Variants in WNT2B observed in about 807,000 individuals in gnomAD.
WNT2B encodes protein Wnt-2b.
A neutral mutation model predicts 40.5 loss-of-function variants in WNT2B; 19 were observed. That is an observed-to-expected ratio of 0.47 (90% CI 0.33 to 0.69). The LOEUF is 0.69. WNT2B is among the 30% of genes least tolerant of loss of function. WNT2B has a pLI of 0.02. For missense variants in WNT2B, 467 were observed against 556.4 expected, an observed-to-expected ratio of 0.84 and a Z score of 1.62; for synonymous variants, 220 against 211.9, an observed-to-expected ratio of 1.04 and a Z score of -0.33.
At chr1:112,508,808 C>T, upstream of WNT2B, 2 of 989,572 alleles carry the variant, frequency 2.0e-6, no homozygotes, top group South Asian at 4.7e-5. The surrounding 1 kb of genome is among the most constrained non-coding windows in gnomAD (Gnocchi z 4.2). Context: ...CGGTGGCGCG[C>T]GGGAGCCCCG....
Position 112,516,338 on chromosome 1 carries a change from C to G in WNT2B, c.602C>G (p.Ala201Gly). ...NIHYGVRFAK[A>G]FVDAKEKRLK... ...CACTACGGTGTCCGTTTTGCCAAGG[C>G]CTTCGTGGATGCCAAGGAGAAGAGG... Residue 201 changes from alanine to glycine, a missense_variant, in exon 3 of 5, where the codon GCC (alanine) becomes GGC (glycine). Ala to Gly is a moderately conservative substitution (Grantham distance 60). Transcript: ENST00000369684. The G allele has an allele frequency of 6.2e-7, 1 of 1,613,962 alleles. No homozygotes were observed. Among genetic ancestry groups the G allele is most frequent in the Non-Finnish European group, 8.5e-7 (1 of 1,179,998 alleles).
chr1:112,496,814 G>A (rs1433062672), intron 1 of WNT2B, among the ~76,000 whole-genome samples: 1 of 152,000 alleles, frequency 6.6e-6, no homozygotes, highest in Non-Finnish European at 1.5e-5. Flanking sequence ...TGGTCAGGCT[G>A]GTCTCGAACT....
rs528201560 is a variant in WNT2B, at chr1:112,517,276, A to T, written c.837A>T (p.Gln279His). The change falls in exon 4 of 5, where the codon CAA (glutamine) becomes CAT (histidine). Residue 279 changes from glutamine to histidine, a missense_variant. By Grantham distance (24) the Gln-to-His change is conservative. Coordinates refer to ENST00000369684, the MANE Select transcript of WNT2B (RefSeq NM_024494.3). Reference protein sequence around the residue: ...YDGAVQVMATQDGANFTAARQ... With the variant: ...YDGAVQVMATHDGANFTAARQ... ...GGGCTGTGCAGGTGATGGCCACCCA[A>T]GATGGTGCCAACTTCACCGCAGCCC... 1 of 1,614,214 alleles carries T rather than the reference A, an allele frequency of 6.2e-7. No homozygotes were observed. Among genetic ancestry groups the T allele is most frequent in the South Asian group, 1.1e-5 (1 of 91,088 alleles).
chr1:112,513,889 G>C (rs1237141201), intron 1 of WNT2B, among the ~76,000 whole-genome samples: 2 of 152,216 alleles, frequency 1.3e-5, no homozygotes, highest in African/African-American at 4.8e-5. Flanking sequence ...GGGTGAATGG[G>C]TCAGATCTCA....
At chr1:112,481,222 T>C (rs1045753082) in intron 1 of WNT2B, among the ~76,000 whole-genome samples, 18 of 152,194 alleles carry the variant, frequency 1.2e-4, no homozygotes, top group Admixed American at 1.0e-3. Context: ...CTTATTTATT[T>C]GTTCATTTGT....
In WNT2B at chr1:112,525,869, A is replaced by T. The variant is rs1653294685; in HGVS notation, c.*5360A>T. The T allele has an allele frequency of 1.7e-6, 2 of 1,160,648 alleles. No homozygotes were observed. Among genetic ancestry groups the T allele is most frequent in the African/African-American group, 1.5e-5 (1 of 65,232 alleles). 71.9% of individuals were successfully genotyped at this position (1,160,648 alleles called of 1,614,324 possible). On this transcript the variant is annotated 3_prime_UTR_variant, in exon 5 of 5. Coordinates refer to ENST00000369684, the MANE Select transcript of WNT2B (RefSeq NM_024494.3). Reference sequence around the variant, plus strand: ...GGTTTGCCTAGGAATAACAATATTCATAAGAAGCTTTTTCATATGCAAAAT... The same window carrying T: ...GGTTTGCCTAGGAATAACAATATTCTTAAGAAGCTTTTTCATATGCAAAAT...
At chr1:112,500,582 C>T (rs1651915343) in intron 1 of WNT2B, among the ~76,000 whole-genome samples, 1 of 151,900 alleles carries the variant, frequency 6.6e-6, no homozygotes, top group Non-Finnish European at 1.5e-5. Context: ...CCAGCCTGGG[C>T]AACATAGTGA....
At chr1:112,502,649 C>T (rs1161723040) in intron 1 of WNT2B, among the ~76,000 whole-genome samples, 1 of 152,256 alleles carries the variant, frequency 6.6e-6, no homozygotes, top group Non-Finnish European at 1.5e-5. Flanking sequence ...CCTCACCCTC[C>T]GGCTTTTCAT....
rs114288202 is a variant in WNT2B at position 112,482,664 on chromosome 1, T to C, written c.-95+15073T>C. Among the ~76,000 whole-genome samples, 1,364 of 152,044 alleles carry C rather than the reference T, an allele frequency of 9.0e-3. 17 individuals carry two copies. Among genetic ancestry groups the C allele is most frequent in the African/African-American group, 0.031 (1,303 of 41,442 alleles). On this transcript the variant is annotated intron_variant, in intron 1 of 4. Coordinates refer to the WNT2B transcript ENST00000256640. ...ACATTTCTAGACACAAACAGCAAAG[T>C]AGTCAGAAAGAAAATTAAGGAAACA... is the stretch of plus-strand genomic sequence containing the variant.
Position 112,480,643 on chromosome 1 carries a change from A to G in WNT2B, c.-95+13052A>G, listed in dbSNP as rs553598492. 8.5e-5 allele frequency among the ~76,000 whole-genome samples: 13 copies of G among 152,294 alleles called. No individual in the cohort carries two copies. The East Asian group carries it at 2.5e-3, about 29-fold the overall frequency. ...CCAGATGGCTTCATAGGTGAATTCTACCAAGCATTTTAAAAAGAATGAACA... is the reference window on the plus strand; with the variant it reads ...CCAGATGGCTTCATAGGTGAATTCTGCCAAGCATTTTAAAAAGAATGAACA... On this transcript the variant is annotated intron_variant, in intron 1 of 4. Transcript: ENST00000256640.
intron 1 of WNT2B, among the ~76,000 whole-genome samples, chr1:112,483,728 T>G (rs1449932964): frequency 6.7e-6 from 1 of 148,824 alleles, no homozygotes; most frequent in Admixed American, 6.7e-5. Flanking sequence ...ACTATGTATC[T>G]GATAAGAGGT....
intron 1 of WNT2B, among the ~76,000 whole-genome samples, chr1:112,478,762 A>G (rs1287075422): frequency 6.6e-6 from 1 of 152,128 alleles, no homozygotes; most frequent in Non-Finnish European, 1.5e-5. Context: ...CTCCACAAAA[A>G]AAATTTAAAA....
chr1:112,527,726 T>A lies in WNT2B; in HGVS notation c.*7217T>A, dbSNP rs1017999920. The A allele has an allele frequency of 3.9e-5, 6 of 152,512 alleles. No homozygotes were observed. Among genetic ancestry groups the A allele is most frequent in the African/African-American group, 9.6e-5 (4 of 41,456 alleles). The allele number at this position is 152,512 out of a possible 1,614,324, so 9.4% of individuals were successfully genotyped here. ...GTCTCACATCTACTTCTTGAAGGTGTCTAAGTAGAATGCAGAGATTGTCAA... is the reference window on the plus strand; with the variant it reads ...GTCTCACATCTACTTCTTGAAGGTGACTAAGTAGAATGCAGAGATTGTCAA... On this transcript the variant is annotated 3_prime_UTR_variant, in exon 5 of 5. Transcript: ENST00000369684.
chr1:112,467,374 A>G (rs990642924), exon 1 of WNT2B: 24 of 596,108 alleles, frequency 4.0e-5, no homozygotes, highest in Non-Finnish European at 6.7e-5. Context: ...CAAGAAGCTA[A>G]TGAGGTTTAA....
At chr1:112,513,771 T>A (rs774408690) in intron 1 of WNT2B, among the ~76,000 whole-genome samples, 2 of 152,216 alleles carry the variant, frequency 1.3e-5, no homozygotes, top group Admixed American at 6.5e-5. Flanking sequence ...TTTGATGCGT[T>A]CTGGACAGGA....
chr1:112,513,937 T>G (rs974152230), intron 1 of WNT2B, among the ~76,000 whole-genome samples: 1 of 152,242 alleles, frequency 6.6e-6, no homozygotes, highest in South Asian at 2.1e-4. Flanking sequence ...GATATACTCC[T>G]GTTTTCTCTC....
At chr1:112,488,405 A>C (rs1036720644) in intron 1 of WNT2B, among the ~76,000 whole-genome samples, 2 of 148,068 alleles carry the variant, frequency 1.4e-5, no homozygotes, top group Non-Finnish European at 3.0e-5. Context: ...CATGACAGGC[A>C]GTCAAAACCT....
intron 1 of WNT2B, among the ~76,000 whole-genome samples, chr1:112,482,752 T>G (rs954377332): frequency 2.6e-4 from 40 of 152,258 alleles, no homozygotes; most frequent in Admixed American, 8.5e-4. Context: ...CCAAAAAGAC[T>G]TGTACACTAA....
chr1:112,516,820 G>C (rs1309330063), intron 3 of WNT2B, among the ~76,000 whole-genome samples: 1 of 152,226 alleles, frequency 6.6e-6, no homozygotes, highest in Non-Finnish European at 1.5e-5. Context: ...TCTAAAACGT[G>C]AAAAGTAGAG....
Sources: allele counts gnomAD v4.1 joint callset (sites outside exome capture counted in the v4.1 genomes callset), GRCh38; gene constraint gnomAD v4.1.1; non-coding constraint Gnocchi (gnomAD v3.1); transcripts MANE v1.5; gene names NCBI Gene and HGNC (gene_info 2026-07-23, HGNC 2026-07-21).